The following CRX variants were observed in gnomAD, a reference collection of about 807,000 sequenced individuals.
CRX encodes the protein cone-rod homeobox protein.
In CRX, 5 loss-of-function variants were observed where a neutral mutation model predicts 13.1. That is an observed-to-expected ratio of 0.38 (90% CI 0.20 to 0.80). The LOEUF is 0.80. CRX is among the 30% of genes least tolerant of loss of function. The probability of loss-of-function intolerance (pLI) is 0.43; values close to 1 mark genes in which losing one functional copy is unlikely to be tolerated. For missense variants in CRX, 351 were observed against 391.8 expected (o/e 0.90, Z 0.88); for synonymous variants, 179 against 171.1 (o/e 1.05, Z -0.36).
rs200028613 is a variant in CRX, at chr19:47,824,869, ATTG to A, written c.-36+2864_-36+2866del. ...AATCATAAAACATCAGTGTCTGGAA[ATTG>A]TTGTCATTGTGAGATCTTGTATATA... On this transcript the variant is annotated intron_variant, in intron 1 of 3. Transcript: ENST00000221996. Among the ~76,000 whole-genome samples, 620 of 151,456 alleles carry A rather than the reference ATTG, an allele frequency of 4.1e-3. 7 individuals carry two copies. In the East Asian group the frequency reaches 0.046, roughly 11 times the overall value.
intron 1 of CRX, among the ~76,000 whole-genome samples, chr19:47,830,606 T>C (rs4422079): frequency 0.5 from 75,389 of 151,544 alleles, 19,347 homozygotes; most frequent in Middle Eastern, 0.63. Flanking sequence ...CCAGCTTGGC[T>C]AACAATGGTG....
At chr19:47,830,977 G>T (rs1490111638) in intron 1 of CRX, among the ~76,000 whole-genome samples, 1 of 151,900 alleles carries the variant, frequency 6.6e-6, no homozygotes, top group African/African-American at 2.4e-5. Flanking sequence ...ACTTCCTGGG[G>T]TTACCATTTA....
At chr19:47,824,245 G>A (rs1014257422) in intron 1 of CRX, among the ~76,000 whole-genome samples, 63 of 152,136 alleles carry the variant, frequency 4.1e-4, no homozygotes, top group Non-Finnish European at 5.7e-4. Flanking sequence ...GTGACCTCGG[G>A]AATTGACGAA....
At chr19:47,834,260 G>A (rs909620134) in intron 1 of CRX, 149 bp from the exon 2 acceptor site, 3 of 647,074 alleles carry the variant, frequency 4.6e-6, no homozygotes, top group Non-Finnish European at 8.5e-6. Flanking sequence ...CATTTTACAT[G>A]TGAGGACACA....
intron 3 of CRX, among the ~76,000 whole-genome samples, chr19:47,838,694 T>G (rs1420680236): frequency 6.6e-6 from 1 of 152,162 alleles, no homozygotes; most frequent in Non-Finnish European, 1.5e-5. Flanking sequence ...GTATGGTGTA[T>G]GTATGTATAA....
chr19:47,826,566 C>T (rs1234948928), intron 1 of CRX, among the ~76,000 whole-genome samples: 1 of 152,180 alleles, frequency 6.6e-6, no homozygotes, highest in Non-Finnish European at 1.5e-5. Flanking sequence ...GATTGTGCCA[C>T]TGCACTCCAG....
At chr19:47,835,507 C>G (rs1968106428) in intron 2 of CRX, among the ~76,000 whole-genome samples, 1 of 151,998 alleles carries the variant, frequency 6.6e-6, no homozygotes, top group Non-Finnish European at 1.5e-5. Context: ...GCCTCAGCCT[C>G]CCAAGTAGCT....
At position 47,839,653 on chromosome 19, in the gene CRX, G is replaced by A. The variant is rs1038108316; in HGVS notation, c.586G>A (p.Ala196Thr). Residue 196 changes from alanine to threonine, a missense_variant, in exon 4 of 4, where the codon GCC becomes ACC. This residue lies in a region of CRX where 253 missense variants were observed against 268.3 expected (regional missense o/e 0.94). Coordinates refer to ENST00000221996, the MANE Select transcript of CRX (RefSeq NM_000554.6). This position sits in a 1 kb window ranked among gnomAD's most constrained non-coding sequence, Gnocchi z 4.6. ...CTCCGCCCCCTATGCCATGACCTAC[G>A]CCCCGGCCTCCGCTTTCTGCTCTTC... Reference protein sequence around the residue: ...LTSAPYAMTYAPASAFCSSPS... With the variant: ...LTSAPYAMTYTPASAFCSSPS... 38 of 1,613,156 alleles carry A rather than the reference G, an allele frequency of 2.4e-5. No individual in the cohort carries two copies. The highest frequency in any genetic ancestry group is 2.5e-5 in the Non-Finnish European group (29 of 1,179,966).
intron 1 of CRX, among the ~76,000 whole-genome samples, chr19:47,830,329 A>T (rs1156804042): frequency 6.6e-6 from 1 of 151,938 alleles, no homozygotes; most frequent in East Asian, 1.9e-4. Context: ...CCAAAAAACA[A>T]ATCTGATTCT....
intron 1 of CRX, 40 bp from the exon 2 acceptor site, chr19:47,834,354 CACCCCATGGTGAGTA>C (rs1407393851): frequency 2.1e-4 from 214 of 1,008,952 alleles, no homozygotes; most frequent in Non-Finnish European, 5.1e-5. Context: ...GCCTGCACGT[CACCCCATGGTGAGTA>C]ACTGGTAAGT....
intron 1 of CRX, among the ~76,000 whole-genome samples, chr19:47,824,703 A>T (rs1476293076): frequency 6.6e-6 from 1 of 151,976 alleles, no homozygotes; most frequent in Non-Finnish European, 1.5e-5. Flanking sequence ...GAGCATTCAG[A>T]CCTCACCTGT....
chr19:47,834,210 G>T (rs1968088408), intron 1 of CRX, among the ~76,000 whole-genome samples, 199 bp from the exon 2 acceptor site: 2 of 152,270 alleles, frequency 1.3e-5, no homozygotes, highest in Non-Finnish European at 2.9e-5. Flanking sequence ...TGTCTGCTTT[G>T]CAGAGTCTCA....
At chr19:47,824,612 G>T (rs1967952762) in intron 1 of CRX, among the ~76,000 whole-genome samples, 1 of 152,036 alleles carries the variant, frequency 6.6e-6, no homozygotes, top group African/African-American at 2.4e-5. Context: ...CCTGAACTGT[G>T]GGCACCTCCC....
intron 1 of CRX, among the ~76,000 whole-genome samples, chr19:47,832,388 G>A (rs1968062792): frequency 6.6e-6 from 1 of 151,896 alleles, no homozygotes; most frequent in Non-Finnish European, 1.5e-5. Flanking sequence ...TTACAGGCAT[G>A]AGCCACTGCG....
chr19:47,829,355 G>A (rs1402309260), intron 1 of CRX, among the ~76,000 whole-genome samples: 1 of 151,512 alleles, frequency 6.6e-6, no homozygotes, highest in Non-Finnish European at 1.5e-5. Flanking sequence ...TTTTGAGATG[G>A]AGTTTCGCTC....
Position 47,842,561 on chromosome 19 carries a change from C to T in CRX, c.*2594C>T, listed in dbSNP as rs569156408. On this transcript the variant is annotated 3_prime_UTR_variant, in exon 4 of 4. Coordinates refer to ENST00000221996, the MANE Select transcript of CRX (RefSeq NM_000554.6). ...TGTGCCACTGTGCTCTAGCCTGGGTCACAAGAGCGAAACTCCGTCTCAATA... is the reference window on the plus strand; with the variant it reads ...TGTGCCACTGTGCTCTAGCCTGGGTTACAAGAGCGAAACTCCGTCTCAATA... 1 of 152,218 alleles carries T rather than the reference C, an allele frequency of 6.6e-6. No individual in the cohort carries two copies. The highest frequency in any genetic ancestry group is 2.4e-5 in the African/African-American group (1 of 41,530). 9.4% of individuals were successfully genotyped at this position (152,218 alleles called of 1,614,324 possible). A position where few individuals can be genotyped will look rare whatever the true frequency, so the allele number is the denominator to read the frequency against.
chr19:47,836,367 G>T lies in CRX; in HGVS notation c.225G>T (p.Lys75Asn), dbSNP rs1568624864. Residue 75 changes from lysine to asparagine, a missense_variant, in exon 3 of 4, where the codon AAG becomes AAT. Physicochemically the swap from Lys to Asn is moderately conservative, Grantham distance 94. Transcript: ENST00000221996. ...DVYAREEVAL[K>N]INLPESRVQV... ...ATGCCCGTGAGGAGGTGGCTCTGAA[G>T]ATCAATCTGCCTGAGTCCAGGGTTC... is the stretch of plus-strand genomic sequence containing the variant. The T allele has an allele frequency of 6.2e-7, 1 of 1,614,110 alleles. No homozygotes were observed. The highest frequency in any genetic ancestry group is 8.5e-7 in the Non-Finnish European group (1 of 1,180,044).
At chr19:47,831,169 T>C (rs1350342775) in intron 1 of CRX, among the ~76,000 whole-genome samples, 1 of 151,766 alleles carries the variant, frequency 6.6e-6, no homozygotes, top group Non-Finnish European at 1.5e-5. Flanking sequence ...TAGCCGGGCA[T>C]GGTGGCGCAT....
At chr19:47,826,840 G>C (rs1967980042) in intron 1 of CRX, among the ~76,000 whole-genome samples, 1 of 152,202 alleles carries the variant, frequency 6.6e-6, no homozygotes, top group Admixed American at 6.5e-5. Flanking sequence ...TTCCGGCTCA[G>C]GGTGTTCCAT....
Sources: gnomAD v4.1 joint callset for allele counts (sites outside exome capture counted in the v4.1 genomes callset) on GRCh38, gnomAD v4.1.1 for gene constraint, gnomAD v4.1.1 regional missense constraint, Gnocchi (gnomAD v3.1) non-coding constraint, MANE v1.5 for transcripts, NCBI Gene and HGNC (gene_info 2026-07-23, HGNC 2026-07-21) for gene names.